The following CADPS2 variants were observed in gnomAD, a reference collection of about 807,000 sequenced individuals.
CADPS2 encodes the protein calcium-dependent secretion activator 2.
A neutral mutation model predicts 172.5 loss-of-function variants in CADPS2; 93 were observed. The observed-to-expected ratio is 0.54, with a 90% CI of 0.46 to 0.64. The LOEUF is 0.64. Ranked by LOEUF, CADPS2 falls within the 30% of genes least tolerant of loss-of-function variation. The probability of loss-of-function intolerance (pLI) is 0.00; values close to 1 mark genes in which losing one functional copy is unlikely to be tolerated. For synonymous variants in CADPS2, 546 were observed against 555.2 expected (o/e 0.98, Z 0.23); for missense variants, 1,420 against 1,565.9 (o/e 0.91, Z 1.57).
At chr7:122,387,235 A>G (rs1051023641) in intron 23 of CADPS2, 62 bp from the exon 24 acceptor site, 1 of 1,495,898 alleles carries the variant, frequency 6.7e-7, no homozygotes, top group South Asian at 1.3e-5. Context: ...CTGTTTTGTA[A>G]AAAGTGAAAT....
At chr7:122,657,278 T>A (rs2079920914) in intron 3 of CADPS2, among the ~76,000 whole-genome samples, 1 of 152,304 alleles carries the variant, frequency 6.6e-6, no homozygotes, top group Admixed American at 6.5e-5. Context: ...CTTAGGATTG[T>A]CTTGGCAATG....
At chr7:122,486,113 G>A (rs565050457) in intron 11 of CADPS2, among the ~76,000 whole-genome samples, 1 of 152,098 alleles carries the variant, frequency 6.6e-6, no homozygotes. Flanking sequence ...GGAGATTAAT[G>A]TTGTTTTCAT....
chr7:122,813,622 G>A (rs1358919616), intron 1 of CADPS2, among the ~76,000 whole-genome samples: 7 of 152,102 alleles, frequency 4.6e-5, no homozygotes, highest in Admixed American at 6.5e-5. Context: ...TTAAGTAAAC[G>A]CCTGGAAATG....
intron 5 of CADPS2, among the ~76,000 whole-genome samples, 153 bp downstream of exon 5, chr7:122,621,328 A>G (rs563946849): frequency 6.6e-6 from 1 of 152,214 alleles, no homozygotes; most frequent in Non-Finnish European, 1.5e-5. Context: ...ATTTGCATAT[A>G]TAAGCTGAGT....
chr7:122,804,907 T>G (rs903408909), intron 1 of CADPS2, among the ~76,000 whole-genome samples: 2 of 152,212 alleles, frequency 1.3e-5, no homozygotes, highest in East Asian at 3.8e-4. Context: ...AAATTGTACA[T>G]GAAACAATGA....
rs375462512 is a variant in CADPS2, at chr7:122,811,573, T to C, written c.339+74426A>G. Among the ~76,000 whole-genome samples, 66 of 152,282 alleles carry C rather than the reference T, an allele frequency of 4.3e-4. No individual in the cohort carries two copies. In the East Asian group the frequency reaches 7.1e-3, roughly 16 times the overall value. Reference sequence around the variant, plus strand: ...GTATTTAACTAAGATTAAGATAATATACCTGCCAGCAGAAAGGTTTTCAGT... The same window carrying C: ...GTATTTAACTAAGATTAAGATAATACACCTGCCAGCAGAAAGGTTTTCAGT... On this transcript the variant is annotated intron_variant, in intron 1 of 29. Transcript: ENST00000449022.
intron 8 of CADPS2, among the ~76,000 whole-genome samples, chr7:122,536,353 G>A (rs1204865153): frequency 2.0e-5 from 3 of 152,010 alleles, no homozygotes; most frequent in Admixed American, 6.6e-5. Context: ...ACGAGTAAGA[G>A]AGCTAAGAAA....
chr7:122,741,699 C>T (rs1020384551), intron 1 of CADPS2, among the ~76,000 whole-genome samples: 16 of 152,106 alleles, frequency 1.1e-4, no homozygotes, highest in African/African-American at 3.9e-4. Flanking sequence ...TCCAGTTGGG[C>T]CTATTAATAC....
chr7:122,617,383 C>T (rs1482566807), intron 5 of CADPS2, among the ~76,000 whole-genome samples: 2 of 152,134 alleles, frequency 1.3e-5, no homozygotes, highest in East Asian at 3.9e-4. Flanking sequence ...GCCAAGAATT[C>T]CATGGACCAT....
At chr7:122,376,520 T>C (rs1791841236) in intron 25 of CADPS2, among the ~76,000 whole-genome samples, 1 of 152,100 alleles carries the variant, frequency 6.6e-6, no homozygotes, top group South Asian at 2.1e-4. Flanking sequence ...GAATTTAAAA[T>C]AGTCAAAATA....
At chr7:122,460,928 C>G (rs1341887612) in intron 14 of CADPS2, among the ~76,000 whole-genome samples, 1 of 152,184 alleles carries the variant, frequency 6.6e-6, no homozygotes, top group Non-Finnish European at 1.5e-5. Flanking sequence ...CAAACTACGG[C>G]CTTTCATCTG....
At chr7:122,596,208 C>T (rs2071749490) in intron 6 of CADPS2, among the ~76,000 whole-genome samples, 1 of 152,110 alleles carries the variant, frequency 6.6e-6, no homozygotes, top group Admixed American at 6.5e-5. Flanking sequence ...AAATGCTATA[C>T]ACACAGGCTT....
intron 8 of CADPS2, among the ~76,000 whole-genome samples, chr7:122,525,077 C>CTG (rs922180941): frequency 6.6e-6 from 1 of 151,784 alleles, no homozygotes; most frequent in African/African-American, 2.4e-5. Flanking sequence ...GAGGTCCAGG[C>CTG]TGTGGTGAGC....
At chr7:122,850,730 C>G (rs1274313412) in intron 1 of CADPS2, among the ~76,000 whole-genome samples, 1 of 152,166 alleles carries the variant, frequency 6.6e-6, no homozygotes, top group African/African-American at 2.4e-5. Flanking sequence ...GGAGCTAAGG[C>G]CTTTTAGTCC....
chr7:122,331,804 A>G (rs780798012), intron 28 of CADPS2: 2 of 152,232 alleles, frequency 1.3e-5, no homozygotes, highest in Non-Finnish European at 2.9e-5. Flanking sequence ...AGTTTATACA[A>G]TGAGTATGAC....
chr7:122,551,613 A>C (rs575880327), intron 8 of CADPS2, among the ~76,000 whole-genome samples: 1 of 152,110 alleles, frequency 6.6e-6, no homozygotes, highest in Non-Finnish European at 1.5e-5. Context: ...TTCAAAGTCT[A>C]AAGTGCTCTG....
At chr7:122,846,931 C>T (rs1196678909) in intron 1 of CADPS2, among the ~76,000 whole-genome samples, 2 of 152,146 alleles carry the variant, frequency 1.3e-5, no homozygotes, top group African/African-American at 4.8e-5. Context: ...ATTCCTAGGC[C>T]TCATACCAAA....
At chr7:122,581,494 C>CA (rs1257152269) in intron 6 of CADPS2, among the ~76,000 whole-genome samples, 2 of 151,968 alleles carry the variant, frequency 1.3e-5, no homozygotes, top group Non-Finnish European at 2.9e-5. Context: ...CTCAGCTATT[C>CA]AAAAAATTAG....
intron 29 of CADPS2, among the ~76,000 whole-genome samples, chr7:122,321,524 T>C (rs1037005214): frequency 6.6e-6 from 1 of 152,168 alleles, no homozygotes; most frequent in African/African-American, 2.4e-5. Flanking sequence ...AGTATCACTG[T>C]GTCATCCAGG....
Sources: gnomAD v4.1 joint callset for allele counts (sites outside exome capture counted in the v4.1 genomes callset) on GRCh38, gnomAD v4.1.1 for gene constraint, MANE v1.5 for transcripts, NCBI Gene and HGNC (gene_info 2026-07-23, HGNC 2026-07-21) for gene names.